Variants in SPRED1 observed in about 807,000 individuals in gnomAD.
SPRED1 encodes the protein sprouty-related, EVH1 domain-containing protein 1.
SPRED1 carries 18 observed loss-of-function variants against 52.3 expected under a neutral mutation model. The observed-to-expected ratio is 0.34, with a 90% CI of 0.24 to 0.51. The LOEUF (loss-of-function observed/expected upper bound fraction) is 0.51, where lower values mean the gene tolerates loss of function less well. Among genes scored for constraint, SPRED1 ranks in the 20% least tolerant of loss-of-function variants. The pLI is 0.97. For synonymous variants in SPRED1, 155 were observed against 179.7 expected (o/e 0.86, Z 1.10); for missense variants, 485 against 551.0 (o/e 0.88, Z 1.20).
intron 1 of SPRED1, among the ~76,000 whole-genome samples, chr15:38,271,990 A>C (rs1451933131): frequency 6.6e-6 from 1 of 152,146 alleles, no homozygotes. Context: ...TCCCCCTTGT[A>C]AGAACAGTGG....
chr15:38,351,835 T>A lies in SPRED1; in HGVS notation c.*171T>A, dbSNP rs1888496916. The A allele has an allele frequency of 2.6e-6, 2 of 759,584 alleles. No homozygotes were observed. The allele number at this position is 759,584 out of a possible 1,614,324, so 47.1% of individuals were successfully genotyped here. On this transcript the variant is annotated 3_prime_UTR_variant, in exon 7 of 7. Transcript: ENST00000299084. Reference sequence around the variant, plus strand: ...GGCGTTTCACGCCATGCCTAACTTTTCCCTTGAGTGCATGGCATGTTTTGT... The same window carrying A: ...GGCGTTTCACGCCATGCCTAACTTTACCCTTGAGTGCATGGCATGTTTTGT...
intron 3 of SPRED1, among the ~76,000 whole-genome samples, 162 bp from the exon 4 acceptor site, chr15:38,324,601 A>G (rs1039898669): frequency 6.6e-6 from 1 of 152,202 alleles, no homozygotes; most frequent in Non-Finnish European, 1.5e-5. Context: ...CCATTATTCT[A>G]ACAGGGGCAA....
At position 38,356,089 on chromosome 15, in the gene SPRED1, GAA is replaced by G. The variant is rs1337452501; in HGVS notation, c.*4428_*4429del. 1 of 152,096 alleles carries G rather than the reference GAA, an allele frequency of 6.6e-6. No homozygotes were observed. The allele number at this position is 152,096 out of a possible 1,614,324, so 9.4% of individuals were successfully genotyped here. On this transcript the variant is annotated 3_prime_UTR_variant, in exon 7 of 7. Transcript: ENST00000299084. ...AAATTTTTTCAAGAATAAACTAGTT[GAA>G]AAGTCTTTGTATTAAAAATACACAT...
rs545589673 is a variant in SPRED1, at chr15:38,316,419, C to T, written c.208-5822C>T. ...CTGGATTGAAAGACTTTAAGATCTT[C>T]TTAAAATATCTGTGGTTCCAAAAAT... On this transcript the variant is annotated intron_variant, in intron 2 of 6. Transcript: ENST00000299084. 4.5e-4 allele frequency among the ~76,000 whole-genome samples: 68 copies of T among 152,078 alleles called. No individual in the cohort carries two copies. The South Asian group carries it at 8.7e-3, about 19-fold the overall frequency.
intron 1 of SPRED1, among the ~76,000 whole-genome samples, chr15:38,293,520 C>T (rs1747618869): frequency 6.6e-6 from 1 of 152,142 alleles, no homozygotes; most frequent in African/African-American, 2.4e-5. Context: ...AGGAGTAATA[C>T]AGATCTTCGT....
chr15:38,254,647 T>A (rs2140944485), intron 1 of SPRED1, among the ~76,000 whole-genome samples: 1 of 152,350 alleles, frequency 6.6e-6, no homozygotes, highest in African/African-American at 2.4e-5. Context: ...AGGTTAAATT[T>A]AAAAACATAC....
At chr15:38,285,797 A>G (rs778942041) in intron 1 of SPRED1, among the ~76,000 whole-genome samples, 11 of 152,198 alleles carry the variant, frequency 7.2e-5, no homozygotes, top group Non-Finnish European at 1.5e-4. Context: ...TTTTCAAGTT[A>G]CCTTTTCCCC....
intron 2 of SPRED1, among the ~76,000 whole-genome samples, chr15:38,304,409 C>A (rs1428627161): frequency 6.6e-6 from 1 of 152,172 alleles, no homozygotes. Flanking sequence ...TTGAAAGATA[C>A]TAGTTCCCCT....
intron 4 of SPRED1, among the ~76,000 whole-genome samples, chr15:38,336,426 A>ATGTGTATGTGTGTG (rs1298349053): frequency 1.1e-4 from 15 of 138,476 alleles, no homozygotes; most frequent in Non-Finnish European, 1.4e-4. Flanking sequence ...GTGTGTGTAT[A>ATGTGTATGTGTGTG]TATATATATA....
rs568574385 is a variant in SPRED1 at position 38,285,220 on chromosome 15, G to A, written c.33-14153G>A. ...TTTATTCAGCAGATATTTTCAGTGC[G>A]TATTTTGTGCCAAGCACTCTTCTAG... On this transcript the variant is annotated intron_variant, in intron 1 of 6. Coordinates refer to ENST00000299084, the MANE Select transcript of SPRED1 (RefSeq NM_152594.3). 5.9e-5 allele frequency among the ~76,000 whole-genome samples: 9 copies of A among 152,190 alleles called. No homozygotes were observed. The East Asian group carries it at 9.7e-4, about 16-fold the overall frequency.
intron 1 of SPRED1, among the ~76,000 whole-genome samples, chr15:38,293,762 TTCTC>T (rs1233480534): frequency 5.3e-5 from 8 of 152,210 alleles, no homozygotes; most frequent in Admixed American, 3.3e-4. Context: ...TTTTCTTTCT[TTCTC>T]TCTATCGCTT....
chr15:38,276,097 T>G (rs916742069), intron 1 of SPRED1, among the ~76,000 whole-genome samples: 2 of 152,180 alleles, frequency 1.3e-5, no homozygotes, highest in Non-Finnish European at 2.9e-5. Flanking sequence ...CAAAAAATAG[T>G]CATTGCAGTG....
chr15:38,287,929 C>T (rs1345405148), intron 1 of SPRED1, among the ~76,000 whole-genome samples: 1 of 151,998 alleles, frequency 6.6e-6, no homozygotes, highest in Non-Finnish European at 1.5e-5. Context: ...TTTTTGATTT[C>T]CCCTTGCTTA....
At chr15:38,256,050 A>G (rs1894089350) in intron 1 of SPRED1, among the ~76,000 whole-genome samples, 1 of 152,158 alleles carries the variant, frequency 6.6e-6, no homozygotes, top group Admixed American at 6.5e-5. Context: ...TCCTAGGCTG[A>G]CTGTGAGAAT....
At chr15:38,339,705 G>T in intron 4 of SPRED1, 32 bp from the exon 5 acceptor site, 1 of 1,609,488 alleles carries the variant, frequency 6.2e-7, no homozygotes, top group Non-Finnish European at 8.5e-7. Context: ...TTTTATTCTG[G>T]CAACTAATGC....
intron 6 of SPRED1, among the ~76,000 whole-genome samples, chr15:38,349,767 T>G (rs1390919553): frequency 6.6e-6 from 1 of 152,206 alleles, no homozygotes; most frequent in Non-Finnish European, 1.5e-5. Context: ...TATTGTTAAT[T>G]AAATAAACTG....
intron 2 of SPRED1, among the ~76,000 whole-genome samples, chr15:38,317,439 T>C (rs529113962): frequency 1.4e-4 from 22 of 151,954 alleles, no homozygotes; most frequent in Non-Finnish European, 2.5e-4. Flanking sequence ...CTTGGTAATA[T>C]GGCATTGGTT....
intron 1 of SPRED1, among the ~76,000 whole-genome samples, chr15:38,277,497 T>C (rs1566852267): frequency 1.3e-5 from 2 of 152,178 alleles, no homozygotes; most frequent in East Asian, 1.9e-4. Flanking sequence ...ACATGTACCA[T>C]GTTTTCTTTA....
chr15:38,309,341 A>G (rs745956144), intron 2 of SPRED1, among the ~76,000 whole-genome samples: 28 of 152,290 alleles, frequency 1.8e-4, no homozygotes, highest in Non-Finnish European at 3.5e-4. Context: ...GGGTTTCACC[A>G]TGTTGGCCAG....
Sources: gnomAD v4.1 joint callset for allele counts (sites outside exome capture counted in the v4.1 genomes callset) on GRCh38, gnomAD v4.1.1 for gene constraint, MANE v1.5 for transcripts, NCBI Gene and HGNC (gene_info 2026-07-23, HGNC 2026-07-21) for gene names.